CSMD1: variants seen among roughly 807,000 people sequenced by gnomAD.
CSMD1 encodes the protein CUB and Sushi multiple domains 1.
A neutral mutation model predicts 417.5 loss-of-function variants in CSMD1; 213 were observed. That is an observed-to-expected ratio of 0.51 (90% CI 0.46 to 0.57). The LOEUF (loss-of-function observed/expected upper bound fraction) is 0.57. Among genes scored for constraint, CSMD1 ranks in the 20% least tolerant of loss-of-function variants. The pLI, the probability that CSMD1 is intolerant of heterozygous loss-of-function variation, is 0.00. For synonymous variants in CSMD1, 2,862 were observed against 1,736.8 expected, an observed-to-expected ratio of 1.65 and a Z score of -16.11; for missense variants, 6,923 against 4,529.7, an observed-to-expected ratio of 1.53 and a Z score of -15.17.
intron 10 of CSMD1, among the ~76,000 whole-genome samples, chr8:3,521,926 T>C (rs893302200): frequency 6.6e-6 from 1 of 152,174 alleles, no homozygotes; most frequent in Non-Finnish European, 1.5e-5. Context: ...CCCAATTAAA[T>C]CCATATTCAT....
At chr8:3,399,234 A>T (rs1037216595) in intron 16 of CSMD1, among the ~76,000 whole-genome samples, 157 bp downstream of exon 16, 2 of 152,196 alleles carry the variant, frequency 1.3e-5, no homozygotes, top group Non-Finnish European at 2.9e-5. Flanking sequence ...ACTGAAGAAG[A>T]ACAAAACTTA....
chr8:3,567,794 T>G (rs552903916), intron 10 of CSMD1, among the ~76,000 whole-genome samples: 86 of 152,256 alleles, frequency 5.6e-4, no homozygotes, highest in Admixed American at 9.8e-4. Context: ...TACTTGCCTT[T>G]CTTGAACATC....
intron 3 of CSMD1, among the ~76,000 whole-genome samples, chr8:4,196,422 G>A (rs968361086): frequency 2.6e-5 from 4 of 152,096 alleles, no homozygotes; most frequent in African/African-American, 9.7e-5. Flanking sequence ...GGCGTTTTCA[G>A]GCTACAGTCC....
At chr8:2,987,778 G>T (rs145218097) in intron 54 of CSMD1, among the ~76,000 whole-genome samples, 93 of 152,326 alleles carry the variant, frequency 6.1e-4, no homozygotes, top group African/African-American at 2.0e-3. Context: ...CAGCTTCGGG[G>T]AGACTGGAGT....
intron 3 of CSMD1, among the ~76,000 whole-genome samples, chr8:4,265,429 G>A (rs1407681936): frequency 4.2e-5 from 2 of 47,482 alleles, no homozygotes; most frequent in African/African-American, 7.4e-5. Context: ...AAAGCCAGTT[G>A]AAAAAGTGTC....
At chr8:3,277,426 G>A (rs113504652) in intron 26 of CSMD1, among the ~76,000 whole-genome samples, 121 of 152,290 alleles carry the variant, frequency 7.9e-4, no homozygotes, top group African/African-American at 2.5e-3. Flanking sequence ...CCCCAGCGGC[G>A]TAGACCAAGG....
rs1390611892 is a variant in CSMD1 at position 4,620,768 on chromosome 8, T to C, written c.302+16574A>G. 5.3e-5 allele frequency among the ~76,000 whole-genome samples: 8 copies of C among 151,940 alleles called. No homozygotes were observed. The East Asian group carries it at 1.2e-3, about 22-fold the overall frequency. On this transcript the variant is annotated intron_variant, in intron 2 of 69. Transcript: ENST00000635120. ...ATAAATTATTATATGGAGGGAAACA[T>C]AGCATTAACTACTTATTTATAAAAA...
chr8:3,794,504 A>G (rs1799932653), intron 5 of CSMD1, among the ~76,000 whole-genome samples: 1 of 152,146 alleles, frequency 6.6e-6, no homozygotes, highest in African/African-American at 2.4e-5. Flanking sequence ...TCTGCATTAC[A>G]TTGTATTGTG....
chr8:4,893,218 T>G (rs1380935922), intron 1 of CSMD1, among the ~76,000 whole-genome samples: 1 of 152,198 alleles, frequency 6.6e-6, no homozygotes, highest in East Asian at 1.9e-4. Flanking sequence ...TGTATTGGTA[T>G]CTGAATTTCT....
At chr8:4,311,867 A>G (rs1307067754) in intron 3 of CSMD1, among the ~76,000 whole-genome samples, 3 of 152,126 alleles carry the variant, frequency 2.0e-5, no homozygotes, top group Non-Finnish European at 2.9e-5. Context: ...GGTACTGGGT[A>G]TAATACCTGG....
chr8:4,355,693 A>G (rs959993928), intron 3 of CSMD1, among the ~76,000 whole-genome samples: 3 of 152,168 alleles, frequency 2.0e-5, no homozygotes, highest in Admixed American at 6.5e-5. Flanking sequence ...TTTCCTACCA[A>G]TCCCACTCCA....
At chr8:4,151,318 C>G (rs1411880134) in intron 3 of CSMD1, among the ~76,000 whole-genome samples, 1 of 152,128 alleles carries the variant, frequency 6.6e-6, no homozygotes, top group Non-Finnish European at 1.5e-5. Context: ...ATCCTAAGAT[C>G]AATGCTTCAA....
intron 25 of CSMD1, among the ~76,000 whole-genome samples, chr8:3,289,248 C>G (rs938340878): frequency 6.8e-6 from 1 of 147,142 alleles, no homozygotes; most frequent in East Asian, 2.0e-4. Context: ...TAGGTTGGTT[C>G]CACGTCTTTG....
At chr8:2,982,127 G>T (rs900998689) in intron 54 of CSMD1, among the ~76,000 whole-genome samples, 6 of 152,236 alleles carry the variant, frequency 3.9e-5, no homozygotes, top group African/African-American at 1.4e-4. Flanking sequence ...AGGCCAAGGT[G>T]GGCAGATCAT....
chr8:4,371,536 C>A (rs1184309535), intron 3 of CSMD1, among the ~76,000 whole-genome samples: 3 of 152,056 alleles, frequency 2.0e-5, no homozygotes, highest in Admixed American at 1.3e-4. Context: ...GAGACAATAT[C>A]GTTATAAATT....
chr8:4,756,294 G>A (rs976313439), intron 1 of CSMD1, among the ~76,000 whole-genome samples: 2 of 152,090 alleles, frequency 1.3e-5, no homozygotes, highest in African/African-American at 2.4e-5. Context: ...GCAAAATTGA[G>A]AAAGTTTTAA....
chr8:4,174,655 G>A (rs925339027), intron 3 of CSMD1, among the ~76,000 whole-genome samples: 2 of 140,756 alleles, frequency 1.4e-5, no homozygotes, highest in East Asian at 4.3e-4. Context: ...AGGAATTATA[G>A]GAAACAGACC....
chr8:3,465,978 A>C lies in CSMD1; in HGVS notation c.1561+2734T>G, dbSNP rs1456491425. On this transcript the variant is annotated intron_variant, in intron 12 of 69. Transcript: ENST00000635120. ...GAAGCTGGAGAGAAGGGGTGCTTAC[A>C]ATTCATCTAAACACCCCTCAGTTGG... Among the ~76,000 whole-genome samples, 7 of 152,274 alleles carry C rather than the reference A, an allele frequency of 4.6e-5. No homozygotes were observed. In the East Asian group the frequency reaches 1.4e-3, roughly 29 times the overall value.
intron 10 of CSMD1, among the ~76,000 whole-genome samples, chr8:3,546,225 A>C (rs1798654715): frequency 6.6e-6 from 1 of 152,142 alleles, no homozygotes; most frequent in African/African-American, 2.4e-5. Flanking sequence ...GGTTCTATGC[A>C]GATAGTGCCC....
Sources: gnomAD v4.1 joint callset for allele counts (sites outside exome capture counted in the v4.1 genomes callset) on GRCh38, gnomAD v4.1.1 for gene constraint, MANE v1.5 for transcripts, NCBI Gene and HGNC (gene_info 2026-07-23, HGNC 2026-07-21) for gene names.